The following FCRL1 variants were observed in gnomAD, a reference collection of about 807,000 sequenced individuals.
FCRL1 encodes Fc receptor like 1, also known as Fc receptor-like protein 1.
In FCRL1, 34 loss-of-function variants were observed where a neutral mutation model predicts 49.2. The observed-to-expected ratio is 0.69, with a 90% CI of 0.53 to 0.92. The LOEUF is 0.92. FCRL1 is among the 40% of genes least tolerant of loss of function. FCRL1 has a pLI of 0.00. For synonymous variants in FCRL1, 218 were observed against 201.6 expected (o/e 1.08, Z -0.69); for missense variants, 524 against 524.1 (o/e 1.00, Z 0.00).
chr1:157,805,498 T>C (rs565017310), intron 2 of FCRL1, among the ~76,000 whole-genome samples: 5 of 152,332 alleles, frequency 3.3e-5, no homozygotes, highest in African/African-American at 9.6e-5. Flanking sequence ...TGCTTTGTCC[T>C]GAGGCATGGA....
chr1:157,807,236 C>T, intron 1 of FCRL1, 114 bp from the exon 2 acceptor site: 2 of 999,374 alleles, frequency 2.0e-6, no homozygotes, highest in Non-Finnish European at 2.9e-6. Flanking sequence ...TGGACCCTCC[C>T]TGCATCTCTC....
Position 157,802,575 on chromosome 1 carries a change from C to A in FCRL1, c.409G>T (p.Ala137Ser). 1 of 1,614,200 alleles carries A rather than the reference C, an allele frequency of 6.2e-7. No homozygotes were observed. The highest frequency in any genetic ancestry group is 1.1e-5 in the South Asian group (1 of 91,086). The change falls in exon 4 of 11, where the codon GCT becomes TCT. Residue 137 changes from alanine (A) to serine (S), a missense_variant. Physicochemically the swap from Ala to Ser is moderately conservative, Grantham distance 99 (BLOSUM62 1). Coordinates refer to ENST00000368176, the MANE Select transcript of FCRL1 (RefSeq NM_052938.5). ...GDRLVLICSV[A>S]MGTGDITFLW... ...AAGGTGATGTCTCCTGTGCCCATAGCAACTGAGCAGATGAGGACCAGCCTG... is the reference window on the plus strand; with the variant it reads ...AAGGTGATGTCTCCTGTGCCCATAGAAACTGAGCAGATGAGGACCAGCCTG...
In FCRL1 at chr1:157,802,466, A is replaced by C; in HGVS notation, c.518T>G (p.Val173Gly). 6.2e-7 allele frequency: 1 copy of C among 1,614,130 alleles called. No individual in the cohort carries two copies. The highest frequency in any genetic ancestry group is 8.5e-7 in the Non-Finnish European group (1 of 1,180,004). ...SLTAEYEIPS[V>G]RESDAEQYYC... ...ATATTGCTCAGCATCACTCTCCCTC[A>C]CTGAAGGAATCTCATACTCTGCTGT... The change falls in exon 4 of 11, where the codon GTG becomes GGG. Residue 173 changes from valine to glycine, a missense_variant. By Grantham distance (109) the Val-to-Gly change is moderately radical. Transcript: ENST00000368176.
intron 2 of FCRL1, 115 bp from the exon 3 acceptor site, chr1:157,804,226 A>C: frequency 7.8e-7 from 1 of 1,288,462 alleles, no homozygotes; most frequent in Non-Finnish European, 1.1e-6. Flanking sequence ...TTGGACACAC[A>C]GGCCACCCTA....
intron 2 of FCRL1, 133 bp from the exon 3 acceptor site, chr1:157,804,244 C>G: frequency 9.6e-7 from 1 of 1,043,330 alleles, no homozygotes; most frequent in Non-Finnish European, 1.3e-6. Flanking sequence ...CTACATGTCT[C>G]CACCCCCCCC....
intron 6 of FCRL1, among the ~76,000 whole-genome samples, chr1:157,801,002 C>T (rs1652359316): frequency 6.6e-6 from 1 of 152,106 alleles, no homozygotes; most frequent in Non-Finnish European, 1.5e-5. Context: ...AGTGATTCTC[C>T]TGCTTCAGCC....
chr1:157,797,399 T>C (rs574773084), intron 9 of FCRL1, among the ~76,000 whole-genome samples: 1 of 152,208 alleles, frequency 6.6e-6, no homozygotes, highest in African/African-American at 2.4e-5. Context: ...TCACCATGTG[T>C]AGGATGGGAC....
chr1:157,803,152 T>C (rs1652815219), intron 3 of FCRL1, among the ~76,000 whole-genome samples: 1 of 152,194 alleles, frequency 6.6e-6, no homozygotes, highest in Admixed American at 6.5e-5. Flanking sequence ...CTGTGAAGCA[T>C]TAGGATAGGG....
chr1:157,795,974 G>C lies in FCRL1; in HGVS notation c.*125C>G. ...ACTTCACAGTAGATGAAGGAATAGTGCCATGGAGAATGGCATCCAGAAGAG... is the reference window on the plus strand; with the variant it reads ...ACTTCACAGTAGATGAAGGAATAGTCCCATGGAGAATGGCATCCAGAAGAG... On this transcript the variant is annotated 3_prime_UTR_variant, in exon 11 of 11. Coordinates refer to ENST00000368176, the MANE Select transcript of FCRL1 (RefSeq NM_052938.5). The C allele has an allele frequency of 1.2e-6, 1 of 810,774 alleles. No homozygotes were observed. The highest frequency in any genetic ancestry group is 1.5e-5 in the South Asian group (1 of 65,454). 50.2% of individuals were successfully genotyped at this position (810,774 alleles called of 1,614,324 possible). A position where few individuals can be genotyped will look rare whatever the true frequency, so the allele number is the denominator to read the frequency against.
chr1:157,811,642 A>G (rs1316152126), intron 1 of FCRL1, among the ~76,000 whole-genome samples: 1 of 152,088 alleles, frequency 6.6e-6, no homozygotes, highest in Non-Finnish European at 1.5e-5. Context: ...CCATGACCCA[A>G]GCTACTACTG....
intron 1 of FCRL1, among the ~76,000 whole-genome samples, chr1:157,819,520 A>G (rs980658415): frequency 6.6e-6 from 1 of 152,072 alleles, no homozygotes; most frequent in African/African-American, 2.4e-5. Context: ...CATGTTGGAA[A>G]TAGAGTGCAG....
chr1:157,796,120 C>T lies in FCRL1; in HGVS notation c.1269G>A (p.Val423=), dbSNP rs1651427326. ...SRLRKANITD[V]DYEDAM ...AACCTTACATAGCATCTTCATAGTC[C>T]ACATCTGTAATGTTTGCTTTCCTCA... The change falls in exon 11 of 11, where the codon GTG becomes GTA. Residue 423 remains valine, a synonymous_variant. Coordinates refer to ENST00000368176, the MANE Select transcript of FCRL1 (RefSeq NM_052938.5). The T allele has an allele frequency of 1.2e-5, 20 of 1,613,838 alleles. No homozygotes were observed. Among genetic ancestry groups the T allele is most frequent in the Non-Finnish European group, 1.7e-5 (20 of 1,179,906 alleles).
intron 5 of FCRL1, 149 bp downstream of exon 5, chr1:157,801,766 C>T: frequency 2.1e-6 from 2 of 967,506 alleles, no homozygotes; most frequent in Non-Finnish European, 3.1e-6. Flanking sequence ...GTTCTCCATG[C>T]CCCTCCAATA....
At chr1:157,807,879 C>T (rs768067410) in intron 1 of FCRL1, among the ~76,000 whole-genome samples, 22 of 152,220 alleles carry the variant, frequency 1.4e-4, no homozygotes, top group Non-Finnish European at 2.5e-4. Context: ...GTTTCCTTGT[C>T]GGTAAAGTGT....
intron 1 of FCRL1, among the ~76,000 whole-genome samples, chr1:157,816,277 A>G (rs1203384662): frequency 6.6e-6 from 1 of 151,994 alleles, no homozygotes; most frequent in African/African-American, 2.4e-5. Flanking sequence ...CATTTCAGGG[A>G]TGAAAGGATG....
intron 1 of FCRL1, 82 bp downstream of exon 1, chr1:157,819,925 C>G: frequency 6.5e-7 from 1 of 1,540,248 alleles, no homozygotes; most frequent in Non-Finnish European, 9.0e-7. Context: ...AACCTTAGTC[C>G]TAAGAAGTCC....
rs556277111 is a variant in FCRL1, at chr1:157,809,551, C to A, written c.32-2429G>T. On this transcript the variant is annotated intron_variant, in intron 1 of 10. Coordinates refer to ENST00000368176, the MANE Select transcript of FCRL1 (RefSeq NM_052938.5). ...GCATCCTCCACCTCTCGGGTTCAAG[C>A]GATTCTCCTGCCTCAGCCTCCTAAG... 3.8e-4 allele frequency among the ~76,000 whole-genome samples: 58 copies of A among 152,292 alleles called. 1 individual carries two copies. The South Asian group carries it at 6.0e-3, about 16-fold the overall frequency.
chr1:157,819,810 G>A (rs1247086511), intron 1 of FCRL1, among the ~76,000 whole-genome samples, 197 bp downstream of exon 1: 2 of 152,188 alleles, frequency 1.3e-5, no homozygotes, highest in Non-Finnish European at 1.5e-5. Context: ...TGAAATGATA[G>A]TTTTCTTGAA....
rs554297200 is a variant in FCRL1 at position 157,815,891 on chromosome 1, A to G, written c.31+4116T>C. 7.9e-5 allele frequency among the ~76,000 whole-genome samples: 12 copies of G among 152,008 alleles called. No individual in the cohort carries two copies. In the South Asian group the frequency reaches 2.1e-3, roughly 26 times the overall value. ...ATTCTTGCACACATATAACTTCTCA[A>G]GATTTAATTGTGAAGAAATAGAAAA... On this transcript the variant is annotated intron_variant, in intron 1 of 10. Coordinates refer to ENST00000368176, the MANE Select transcript of FCRL1 (RefSeq NM_052938.5).
Sources: gnomAD v4.1 joint callset for allele counts (sites outside exome capture counted in the v4.1 genomes callset) on GRCh38, gnomAD v4.1.1 for gene constraint, MANE v1.5 for transcripts, NCBI Gene and HGNC (gene_info 2026-07-23, HGNC 2026-07-21) for gene names.